The following MPZL1 variants were observed in gnomAD, a reference collection of about 807,000 sequenced individuals.
MPZL1 encodes myelin protein zero-like protein 1.
Under a neutral mutation model 29.3 loss-of-function variants are expected in MPZL1, and 16 were observed. That is an observed-to-expected ratio of 0.55 (90% CI 0.37 to 0.83). The LOEUF (loss-of-function observed/expected upper bound fraction) is 0.83, where lower values mean the gene tolerates loss of function less well. Among genes scored for constraint, MPZL1 ranks in the 40% least tolerant of loss-of-function variants. The pLI, the probability that MPZL1 is intolerant of heterozygous loss-of-function variation, is 0.00. For synonymous variants in MPZL1, 143 were observed against 132.0 expected (o/e 1.08, Z -0.57); for missense variants, 279 against 332.9 (o/e 0.84, Z 1.26).
chr1:167,747,143 A>G (rs28429571), intron 1 of MPZL1, among the ~76,000 whole-genome samples: 1 of 152,224 alleles, frequency 6.6e-6, no homozygotes, highest in Admixed American at 6.5e-5. Flanking sequence ...TTTGCAGCCC[A>G]TAAGCGAATT....
intron 5 of MPZL1, among the ~76,000 whole-genome samples, chr1:167,779,776 T>C (rs1391501022): frequency 2.6e-5 from 4 of 152,156 alleles, no homozygotes; most frequent in Non-Finnish European, 5.9e-5. Context: ...GTTAAAGATA[T>C]ATGCTGCAAA....
At chr1:167,755,648 A>G (rs1048617148) in intron 1 of MPZL1, among the ~76,000 whole-genome samples, 1 of 152,232 alleles carries the variant, frequency 6.6e-6, no homozygotes, top group Non-Finnish European at 1.5e-5. Flanking sequence ...ATACAATTCA[A>G]ACTAACTGCA....
chr1:167,754,595 G>A (rs924225248), intron 1 of MPZL1, among the ~76,000 whole-genome samples: 1 of 152,250 alleles, frequency 6.6e-6, no homozygotes, highest in African/African-American at 2.4e-5. Context: ...GTTCATGCAT[G>A]TGCACTAATA....
chr1:167,739,282 CATATATATATATATATATAT>C (rs71959233), intron 1 of MPZL1, among the ~76,000 whole-genome samples: 6 of 90,442 alleles, frequency 6.6e-5, no homozygotes, highest in Non-Finnish European at 1.0e-4. Context: ...TACATATATA[CATATATATATATATATATAT>C]ATATATACAC....
At chr1:167,783,937 T>A (rs1236577046) in intron 5 of MPZL1, among the ~76,000 whole-genome samples, 1 of 152,238 alleles carries the variant, frequency 6.6e-6, no homozygotes, top group Non-Finnish European at 1.5e-5. Flanking sequence ...TGATTCGTGC[T>A]AGGCTTTTGG....
At chr1:167,773,211 A>G (rs1389135419) in intron 3 of MPZL1, 25 bp from the exon 4 acceptor site, 1 of 1,604,102 alleles carries the variant, frequency 6.2e-7, no homozygotes, top group Non-Finnish European at 8.5e-7. Flanking sequence ...ATGTACCTTA[A>G]AACTATTTTG....
chr1:167,748,631 A>G (rs1571147295), intron 1 of MPZL1, among the ~76,000 whole-genome samples: 1 of 152,054 alleles, frequency 6.6e-6, no homozygotes, highest in Non-Finnish European at 1.5e-5. Context: ...GGTAAGTCCA[A>G]TTTACCTATT....
Position 167,722,037 on chromosome 1 carries a change from C to A in MPZL1, c.-115C>A, listed in dbSNP as rs1660038281. 2.5e-6 allele frequency: 3 copies of A among 1,221,402 alleles called. No homozygotes were observed. Among genetic ancestry groups the A allele is most frequent in the Non-Finnish European group, 3.1e-6 (3 of 979,234 alleles). The allele number at this position is 1,221,402 out of a possible 1,614,324, so 75.7% of individuals were successfully genotyped here. On this transcript the variant is annotated 5_prime_UTR_variant, in exon 1 of 6. Transcript: ENST00000359523. ...AGTGGGGAGCGCGGCGTGGAGGTGC[C>A]ACCCGGCGCGGGTGGCGGAGAGATC...
intron 2 of MPZL1, among the ~76,000 whole-genome samples, chr1:167,770,287 A>G (rs901234374): frequency 2.6e-5 from 4 of 152,238 alleles, no homozygotes; most frequent in African/African-American, 9.6e-5. Flanking sequence ...CACCCCGTCC[A>G]TTAACCAGAA....
chr1:167,739,288 T>TATATATATATATATATATACAC (rs1660459576), intron 1 of MPZL1, among the ~76,000 whole-genome samples: 1 of 108,334 alleles, frequency 9.2e-6, no homozygotes, highest in African/African-American at 6.0e-5. Context: ...TATACATATA[T>TATATATATATATATATATACAC]ATATATATAT....
chr1:167,765,898 G>A (rs1661106088), intron 2 of MPZL1, 149 bp downstream of exon 2: 1 of 637,252 alleles, frequency 1.6e-6, no homozygotes, highest in Non-Finnish European at 2.4e-6. Context: ...TTTGCTTCAG[G>A]ATAAAATAAG....
chr1:167,731,612 A>G (rs1296454201), intron 1 of MPZL1, among the ~76,000 whole-genome samples: 1 of 151,582 alleles, frequency 6.6e-6, no homozygotes, highest in Non-Finnish European at 1.5e-5. Flanking sequence ...AATTTTTTGT[A>G]TTTTTTCAGT....
At chr1:167,784,988 T>C (rs1028875298) in intron 5 of MPZL1, among the ~76,000 whole-genome samples, 2 of 152,256 alleles carry the variant, frequency 1.3e-5, no homozygotes, top group African/African-American at 4.8e-5. Flanking sequence ...ATTTACAGAC[T>C]AAAAGATAAT....
At chr1:167,731,924 A>G (rs1660281798) in intron 1 of MPZL1, among the ~76,000 whole-genome samples, 1 of 152,188 alleles carries the variant, frequency 6.6e-6, no homozygotes, top group Admixed American at 6.5e-5. Flanking sequence ...CAAAGCCACA[A>G]ATACTTTGAA....
chr1:167,739,292 T>TATATAC (rs1660460871), intron 1 of MPZL1, among the ~76,000 whole-genome samples: 1 of 109,788 alleles, frequency 9.1e-6, no homozygotes, highest in Non-Finnish European at 1.7e-5. Context: ...CATATATATA[T>TATATAC]ATATATATAT....
chr1:167,760,747 C>CTG (rs58963124), intron 1 of MPZL1, among the ~76,000 whole-genome samples: 10,807 of 120,016 alleles, frequency 0.09, 567 homozygotes, highest in Non-Finnish European at 0.12. Flanking sequence ...GTTGAATAGG[C>CTG]TGTGTGTGTG....
rs1308024758 is a variant in MPZL1, at chr1:167,767,238, G to A, written c.258+1489G>A. 4.6e-5 allele frequency among the ~76,000 whole-genome samples: 7 copies of A among 152,290 alleles called. No homozygotes were observed. In the South Asian group the frequency reaches 6.2e-4, roughly 14 times the overall value. ...CATAAAGAGGCATTCTCTGCTTCAC[G>A]TAAATATGGCATCAGCATAGAACAT... On this transcript the variant is annotated intron_variant, in intron 2 of 5. Coordinates refer to ENST00000359523, the MANE Select transcript of MPZL1 (RefSeq NM_003953.6).
In MPZL1 at chr1:167,776,612, G is replaced by GA. The variant is rs543611431; in HGVS notation, c.708+452dup. Among the ~76,000 whole-genome samples the GA allele has an allele frequency of 1.1e-3, 172 of 152,252 alleles. 4 individuals are homozygous for GA. Among genetic ancestry groups the GA allele is most frequent in the Admixed American group, 8.5e-3 (130 of 15,290 alleles). Reference sequence around the variant, plus strand: ...AAAATTATTTTCTGTGGATTCTTTAGAAAAAATGGAAAGTAAGCATTTATC... The same window carrying GA: ...AAAATTATTTTCTGTGGATTCTTTAGAAAAAAATGGAAAGTAAGCATTTATC... On this transcript the variant is annotated intron_variant, in intron 5 of 5. Transcript: ENST00000359523.
chr1:167,780,546 A>G (rs552901721), intron 5 of MPZL1, among the ~76,000 whole-genome samples: 1 of 152,340 alleles, frequency 6.6e-6, no homozygotes, highest in East Asian at 1.9e-4. Context: ...TATATACACA[A>G]TGGAATATTA....
Sources: gnomAD v4.1 joint callset for allele counts (sites outside exome capture counted in the v4.1 genomes callset) on GRCh38, gnomAD v4.1.1 for gene constraint, MANE v1.5 for transcripts, NCBI Gene and HGNC (gene_info 2026-07-23, HGNC 2026-07-21) for gene names.